Variants in TAB2 observed in about 807,000 individuals in gnomAD.
TAB2 encodes the protein TGF-beta activated kinase 1 (MAP3K7) binding protein 2.
Under a neutral mutation model 65.0 loss-of-function variants are expected in TAB2, and 3 were observed. That is an observed-to-expected ratio of 0.05 (90% confidence interval 0.02 to 0.12). The LOEUF (loss-of-function observed/expected upper bound fraction) is 0.12, where lower values mean the gene tolerates loss of function less well. Among genes scored for constraint, TAB2 ranks in the 10% least tolerant of loss-of-function variants. TAB2 has a pLI of 1.00. For missense variants in TAB2, 623 were observed against 840.3 expected (o/e 0.74, Z 3.20); for synonymous variants, 298 against 285.1 (o/e 1.05, Z -0.46).
intron 3 of TAB2, among the ~76,000 whole-genome samples, chr6:149,387,434 A>G (rs916741090): frequency 1.3e-5 from 2 of 152,130 alleles, no homozygotes; most frequent in Non-Finnish European, 2.9e-5. Flanking sequence ...GCGTGGGTTC[A>G]TTTCTGGACT....
At chr6:149,409,230 G>A (rs1340243724) in intron 6 of TAB2, among the ~76,000 whole-genome samples, 1 of 152,216 alleles carries the variant, frequency 6.6e-6, no homozygotes, top group East Asian at 1.9e-4. Context: ...TACACTGACA[G>A]TATTGTTTTG....
At chr6:149,369,128 A>G (rs955966719) in intron 1 of TAB2, among the ~76,000 whole-genome samples, 1 of 152,156 alleles carries the variant, frequency 6.6e-6, no homozygotes, top group Non-Finnish European at 1.5e-5. Context: ...AAATGTCTTA[A>G]TATTTTATTT....
At chr6:149,227,736 A>C (rs533920282) in intron 1 of TAB2, among the ~76,000 whole-genome samples, 1 of 152,350 alleles carries the variant, frequency 6.6e-6, no homozygotes, top group South Asian at 2.1e-4. Flanking sequence ...AACATGCTGA[A>C]GTATTTACAA....
At chr6:149,373,232 G>A (rs1462633593) in intron 2 of TAB2, among the ~76,000 whole-genome samples, 1 of 152,108 alleles carries the variant, frequency 6.6e-6, no homozygotes, top group Non-Finnish European at 1.5e-5. Context: ...ATATTGCATA[G>A]TTTTCACTTT....
At chr6:149,403,250 AT>A (rs1562456186) in intron 6 of TAB2, among the ~76,000 whole-genome samples, 372 of 15,472 alleles carry the variant, frequency 0.024, 1 homozygote, top group Admixed American at 0.028. Context: ...AAAAAAAAAT[AT>A]ATATATATAT....
chr6:149,293,965 T>C (rs535360211), intron 1 of TAB2, among the ~76,000 whole-genome samples: 11 of 152,248 alleles, frequency 7.2e-5, no homozygotes, highest in African/African-American at 2.2e-4. Context: ...GCAAAGTTAT[T>C]TTCCCTGAAA....
chr6:149,310,105 G>T (rs1779143678), intron 1 of TAB2, among the ~76,000 whole-genome samples: 1 of 152,128 alleles, frequency 6.6e-6, no homozygotes, highest in African/African-American at 2.4e-5. Context: ...GCGGGAGATG[G>T]GCCGACTGCT....
At chr6:149,324,141 C>T (rs1420959783) in intron 1 of TAB2, among the ~76,000 whole-genome samples, 2 of 152,022 alleles carry the variant, frequency 1.3e-5, no homozygotes, top group African/African-American at 4.8e-5. Context: ...CGGCCTAGTA[C>T]CAGTGCTCCT....
intron 1 of TAB2, among the ~76,000 whole-genome samples, chr6:149,282,721 G>C (rs1257111811): frequency 6.6e-6 from 1 of 152,176 alleles, no homozygotes; most frequent in African/African-American, 2.4e-5. Context: ...GCAACAGTCA[G>C]AACAAATATG....
chr6:149,325,930 G>A (rs1779603447), intron 1 of TAB2, among the ~76,000 whole-genome samples: 2 of 152,036 alleles, frequency 1.3e-5, no homozygotes, highest in African/African-American at 4.8e-5. Context: ...GTAGAGAAGG[G>A]TTCTTCCTAT....
intron 1 of TAB2, among the ~76,000 whole-genome samples, chr6:149,333,923 G>C (rs960855963): frequency 1.3e-5 from 2 of 152,076 alleles, no homozygotes; most frequent in Non-Finnish European, 2.9e-5. Context: ...ATAATTCTTT[G>C]TCTAGTAGGA....
chr6:149,343,682 G>GGAGTT (rs1305760857), intron 1 of TAB2, among the ~76,000 whole-genome samples: 5 of 152,080 alleles, frequency 3.3e-5, no homozygotes, highest in Non-Finnish European at 7.4e-5. Context: ...GAGTCATCCT[G>GGAGTT]GAGTGTAACA....
At chr6:149,341,110 G>A (rs555037273) in intron 1 of TAB2, among the ~76,000 whole-genome samples, 12 of 151,770 alleles carry the variant, frequency 7.9e-5, no homozygotes, top group Admixed American at 1.3e-4. Flanking sequence ...GGATTATACC[G>A]GATCTATATA....
At chr6:149,301,423 C>A (rs532287391) in intron 1 of TAB2, among the ~76,000 whole-genome samples, 1 of 152,096 alleles carries the variant, frequency 6.6e-6, no homozygotes, top group African/African-American at 2.4e-5. Flanking sequence ...GTTGTTGAAG[C>A]CTTCATATAT....
At chr6:149,242,314 G>C (rs1182542471) in intron 1 of TAB2, among the ~76,000 whole-genome samples, 2 of 152,164 alleles carry the variant, frequency 1.3e-5, no homozygotes, top group Non-Finnish European at 2.9e-5. Context: ...CTTAAGGTTT[G>C]AAATAACTCA....
chr6:149,401,332 A>G (rs1170864891), intron 6 of TAB2: 1 of 165,170 alleles, frequency 6.1e-6, no homozygotes. Flanking sequence ...CTCATTTTAT[A>G]TTTAAAGACA....
intron 1 of TAB2, among the ~76,000 whole-genome samples, chr6:149,354,019 G>A (rs1334633804): frequency 6.6e-6 from 1 of 152,152 alleles, no homozygotes; most frequent in Non-Finnish European, 1.5e-5. Context: ...GCTTCTCAGT[G>A]TTGACAGATG....
At chr6:149,367,916 T>TA (rs1781091993) in intron 1 of TAB2, among the ~76,000 whole-genome samples, 1 of 152,074 alleles carries the variant, frequency 6.6e-6, no homozygotes, top group African/African-American at 2.4e-5. Flanking sequence ...AATAAGTTGA[T>TA]ACACAAAAGG....
intron 1 of TAB2, among the ~76,000 whole-genome samples, chr6:149,285,227 C>A (rs1778655255): frequency 6.6e-6 from 1 of 152,184 alleles, no homozygotes; most frequent in Admixed American, 6.5e-5. Context: ...ATGGGGTAGT[C>A]TCCCAGGAAA....
Sources: gnomAD v4.1 joint callset for allele counts (sites outside exome capture counted in the v4.1 genomes callset) on GRCh38, gnomAD v4.1.1 for gene constraint, MANE v1.5 for transcripts, NCBI Gene and HGNC (gene_info 2026-07-23, HGNC 2026-07-21) for gene names.